CDS1: variants seen among roughly 807,000 people sequenced by gnomAD.
CDS1 encodes the protein CDP-diacylglycerol synthase 1, also known as phosphatidate cytidylyltransferase 1.
CDS1 carries 41 observed loss-of-function variants against 62.1 expected under a neutral mutation model. The ratio of observed to expected loss-of-function variants is 0.66; its 90% CI spans 0.51 to 0.86. CDS1 has a LOEUF of 0.86. CDS1 is among the 40% of genes least tolerant of loss of function. CDS1 has a pLI of 0.00. For synonymous variants in CDS1, 185 were observed against 192.6 expected, an observed-to-expected ratio of 0.96 and a Z score of 0.32; for missense variants, 470 against 550.1, an observed-to-expected ratio of 0.85 and a Z score of 1.46.
chr4:84,620,023 TA>T (rs34828724), intron 5 of CDS1, among the ~76,000 whole-genome samples: 58,176 of 121,250 alleles, frequency 0.48, 13,253 homozygotes, highest in African/African-American at 0.62. Flanking sequence ...AACTCTTATC[TA>T]AAAAAAAAAA....
At chr4:84,640,195 GGTT>G (rs1724336810) in intron 9 of CDS1, among the ~76,000 whole-genome samples, 1 of 148,234 alleles carries the variant, frequency 6.7e-6, no homozygotes. Context: ...AAAATAAACT[GGTT>G]GTTTGGAAGC....
At chr4:84,631,579 A>T (rs879412561) in intron 5 of CDS1, among the ~76,000 whole-genome samples, 5 of 152,220 alleles carry the variant, frequency 3.3e-5, no homozygotes, top group Admixed American at 6.5e-5. Context: ...GAATTAATGC[A>T]GAGGATGTTT....
At chr4:84,620,329 A>ACTC (rs1278050273) in intron 5 of CDS1, among the ~76,000 whole-genome samples, 2 of 146,150 alleles carry the variant, frequency 1.4e-5, no homozygotes, top group Middle Eastern at 3.4e-3. Flanking sequence ...TCCACGCCAT[A>ACTC]CTCCTGCCTC....
Position 84,633,886 on chromosome 4 carries a change from A to C in CDS1, c.669A>C (p.Ile223=). 1 of 1,602,146 alleles carries C rather than the reference A, an allele frequency of 6.2e-7. No homozygotes were observed. Among genetic ancestry groups the C allele is most frequent in the Non-Finnish European group, 8.5e-7 (1 of 1,173,624 alleles). Residue 223 remains isoleucine, a synonymous_variant, in exon 7 of 13, where the codon ATA becomes ATC. Transcript: ENST00000295887. ...MFAWTHVTLL[I]TVTQSHLVIQ... Reference sequence around the variant, plus strand: ...CATGGACTCATGTCACTTTACTGATAACTGTCACTCAGTCACACCTTGTCA... The same window carrying C: ...CATGGACTCATGTCACTTTACTGATCACTGTCACTCAGTCACACCTTGTCA...
chr4:84,639,476 A>G (rs773993082), intron 9 of CDS1, among the ~76,000 whole-genome samples: 4 of 152,220 alleles, frequency 2.6e-5, no homozygotes, highest in Non-Finnish European at 4.4e-5. Context: ...GAAACAGTCT[A>G]ACTATAAACT....
Position 84,648,732 on chromosome 4 carries a change from A to G in CDS1, c.*46A>G. On this transcript the variant is annotated 3_prime_UTR_variant, in exon 13 of 13. Coordinates refer to ENST00000295887, the MANE Select transcript of CDS1 (RefSeq NM_001263.4). Reference sequence around the variant, plus strand: ...ACTGACAAGAAGGAATTATTCAGAAAAACACTGACAGATGTTTTATAAATT... The same window carrying G: ...ACTGACAAGAAGGAATTATTCAGAAGAACACTGACAGATGTTTTATAAATT... 1 of 1,553,418 alleles carries G rather than the reference A, an allele frequency of 6.4e-7. No homozygotes were observed. Among genetic ancestry groups the G allele is most frequent in the Non-Finnish European group, 8.7e-7 (1 of 1,144,982 alleles).
At chr4:84,621,857 G>A (rs1014454685) in intron 5 of CDS1, among the ~76,000 whole-genome samples, 2 of 152,140 alleles carry the variant, frequency 1.3e-5, no homozygotes, top group African/African-American at 4.8e-5. Context: ...TCTTTTACTG[G>A]TACTCATATG....
At chr4:84,645,419 G>T (rs1724528773) in intron 12 of CDS1, 94 bp downstream of exon 12, 1 of 744,070 alleles carries the variant, frequency 1.3e-6, no homozygotes, top group Admixed American at 2.2e-5. Flanking sequence ...TCCGTCAATG[G>T]TAATCTACAA....
At chr4:84,593,398 A>T (rs1722650407) in intron 1 of CDS1, among the ~76,000 whole-genome samples, 1 of 152,140 alleles carries the variant, frequency 6.6e-6, no homozygotes, top group South Asian at 2.1e-4. Flanking sequence ...AATGAATTTC[A>T]AATGTATGAT....
chr4:84,587,669 C>G (rs1228737744), intron 1 of CDS1, among the ~76,000 whole-genome samples: 2 of 152,144 alleles, frequency 1.3e-5, no homozygotes, highest in African/African-American at 4.8e-5. Flanking sequence ...CCTCTGCCCT[C>G]TGAAGACTTG....
At chr4:84,598,446 G>A (rs968905539) in intron 1 of CDS1, among the ~76,000 whole-genome samples, 1 of 149,968 alleles carries the variant, frequency 6.7e-6, no homozygotes, top group Admixed American at 6.6e-5. Context: ...TATACTTTTA[G>A]GGTACATGTG....
chr4:84,649,403 TCTG>T lies in CDS1; in HGVS notation c.*721_*723del, dbSNP rs1161419227. ...CTTTTCAAGAGCAACAAGGAAGAAT[TCTG>T]CTGTGAAGAACACAGTGTACGGATC... is the stretch of plus-strand genomic sequence containing the variant. On this transcript the variant is annotated 3_prime_UTR_variant, in exon 13 of 13. Coordinates refer to ENST00000295887, the MANE Select transcript of CDS1 (RefSeq NM_001263.4). The T allele has an allele frequency of 6.6e-6, 1 of 152,252 alleles. No homozygotes were observed. Among genetic ancestry groups the T allele is most frequent in the Non-Finnish European group, 1.5e-5 (1 of 68,072 alleles). The allele number at this position is 152,252 out of a possible 1,614,324, so 9.4% of individuals were successfully genotyped here. A position where few individuals can be genotyped will look rare whatever the true frequency, so the allele number is the denominator to read the frequency against.
At position 84,644,392 on chromosome 4, in the gene CDS1, T is replaced by G. The variant is rs1724489888; in HGVS notation, c.1153-830T>G. 2.6e-5 allele frequency among the ~76,000 whole-genome samples: 4 copies of G among 152,296 alleles called. No individual in the cohort carries two copies. The South Asian group carries it at 8.3e-4, about 32-fold the overall frequency. On this transcript the variant is annotated intron_variant, in intron 11 of 12. Coordinates refer to ENST00000295887, the MANE Select transcript of CDS1 (RefSeq NM_001263.4). The stretch of plus-strand genomic sequence containing the variant: ...AAGGAAGAGAAAGAGAGAAATGGGT[T>G]GGCAAAAATTAACCAAAGACTTTTT...
chr4:84,602,301 T>C (rs371443924), intron 1 of CDS1, among the ~76,000 whole-genome samples: 3 of 152,162 alleles, frequency 2.0e-5, no homozygotes, highest in Non-Finnish European at 4.4e-5. Context: ...TTAAATAATA[T>C]AAATAAAAGC....
intron 1 of CDS1, among the ~76,000 whole-genome samples, chr4:84,603,845 A>T (rs957970324): frequency 1.3e-5 from 2 of 152,214 alleles, no homozygotes; most frequent in Non-Finnish European, 2.9e-5. Flanking sequence ...CTCGTGTAAG[A>T]TATTACTCTT....
intron 1 of CDS1, among the ~76,000 whole-genome samples, chr4:84,602,716 GT>G (rs1226855046): frequency 6.6e-6 from 1 of 152,150 alleles, no homozygotes; most frequent in Admixed American, 6.5e-5. Context: ...AAACTGATGT[GT>G]TTCCCTTGTT....
intron 3 of CDS1, among the ~76,000 whole-genome samples, chr4:84,611,238 G>A (rs1723310363): frequency 6.6e-6 from 1 of 152,224 alleles, no homozygotes; most frequent in Non-Finnish European, 1.5e-5. Context: ...CAAGCACTTA[G>A]GCAGTGCTGA....
intron 5 of CDS1, among the ~76,000 whole-genome samples, chr4:84,626,205 A>G (rs1723856290): frequency 6.6e-6 from 1 of 152,136 alleles, no homozygotes; most frequent in Non-Finnish European, 1.5e-5. Flanking sequence ...AACATAGAAA[A>G]TAAAAATACC....
chr4:84,638,188 A>G (rs1724272574), intron 8 of CDS1, among the ~76,000 whole-genome samples: 2 of 152,178 alleles, frequency 1.3e-5, no homozygotes, highest in South Asian at 4.1e-4. Context: ...TCCTGCCCCA[A>G]CACCACTAAC....
Sources: allele counts gnomAD v4.1 joint callset (sites outside exome capture counted in the v4.1 genomes callset), GRCh38; gene constraint gnomAD v4.1.1; transcripts MANE v1.5; gene names NCBI Gene and HGNC (gene_info 2026-07-23, HGNC 2026-07-21).